Variants in ERBB4 observed in about 807,000 individuals in gnomAD.
ERBB4 encodes erb-b2 receptor tyrosine kinase 4.
In ERBB4, 42 loss-of-function variants were observed where a neutral mutation model predicts 158.0. That is an observed-to-expected ratio of 0.27 (90% CI 0.21 to 0.34). The LOEUF (loss-of-function observed/expected upper bound fraction) is 0.34. Among genes scored for constraint, ERBB4 ranks in the 10% least tolerant of loss-of-function variants. The pLI is 1.00. For missense variants in ERBB4, 1,333 were observed against 1,624.1 expected (o/e 0.82, Z 3.08); for synonymous variants, 583 against 558.7 (o/e 1.04, Z -0.61).
intron 13 of ERBB4, among the ~76,000 whole-genome samples, chr2:211,676,842 T>A (rs2072095976): frequency 6.6e-6 from 1 of 152,208 alleles, no homozygotes; most frequent in Non-Finnish European, 1.5e-5. Context: ...GTTTCATTTA[T>A]CAATTGCTGA....
At chr2:211,571,593 A>G (rs2067731242) in intron 19 of ERBB4, among the ~76,000 whole-genome samples, 2 of 152,174 alleles carry the variant, frequency 1.3e-5, no homozygotes, top group African/African-American at 4.8e-5. Flanking sequence ...ATATAACTAT[A>G]CAAAACCATG....
chr2:212,343,033 T>C (rs148422784), intron 1 of ERBB4, among the ~76,000 whole-genome samples: 57 of 152,282 alleles, frequency 3.7e-4, no homozygotes, highest in Non-Finnish European at 7.2e-4. Context: ...ACAATAAACC[T>C]CACTAAACCT....
At chr2:211,640,225 T>C (rs138902989) in intron 16 of ERBB4, among the ~76,000 whole-genome samples, 2 of 152,194 alleles carry the variant, frequency 1.3e-5, no homozygotes, top group Non-Finnish European at 2.9e-5. Context: ...GTATCACTAC[T>C]CTTTATTCAG....
chr2:211,736,651 T>C (rs1036662723), intron 5 of ERBB4, among the ~76,000 whole-genome samples: 4 of 152,254 alleles, frequency 2.6e-5, no homozygotes, highest in East Asian at 1.9e-4. Context: ...CTAGAGGATA[T>C]GGAAAATCAC....
chr2:212,412,527 T>A (rs1574870361), intron 1 of ERBB4, among the ~76,000 whole-genome samples: 1 of 152,202 alleles, frequency 6.6e-6, no homozygotes, highest in South Asian at 2.1e-4. Context: ...CTCCAGAAGC[T>A]GAGCAGATGC....
At chr2:211,900,707 C>T (rs2079212621) in intron 3 of ERBB4, among the ~76,000 whole-genome samples, 1 of 152,088 alleles carries the variant, frequency 6.6e-6, no homozygotes. Flanking sequence ...AGGACATGGA[C>T]TCAAGGCACT....
At chr2:211,422,709 T>C (rs1439956936) in intron 23 of ERBB4, among the ~76,000 whole-genome samples, 2 of 151,908 alleles carry the variant, frequency 1.3e-5, no homozygotes, top group Admixed American at 6.6e-5. Context: ...AAGCTTTCCT[T>C]GATTTTCTTG....
chr2:211,655,908 T>C (rs1175809911), intron 16 of ERBB4, among the ~76,000 whole-genome samples: 1 of 152,234 alleles, frequency 6.6e-6, no homozygotes, highest in Non-Finnish European at 1.5e-5. Context: ...GCTTTCTTTT[T>C]AGAATTTAAT....
chr2:212,288,874 G>T (rs1211636597), intron 1 of ERBB4, among the ~76,000 whole-genome samples: 1 of 151,820 alleles, frequency 6.6e-6, no homozygotes, highest in Non-Finnish European at 1.5e-5. Flanking sequence ...TTAATCTATT[G>T]TGCTATCAAA....
chr2:211,536,157 A>T (rs979655733), intron 20 of ERBB4, among the ~76,000 whole-genome samples: 22 of 152,086 alleles, frequency 1.4e-4, no homozygotes, highest in Non-Finnish European at 2.4e-4. Context: ...AAGAGATTAA[A>T]ATGACACCAA....
At chr2:211,874,577 T>C (rs888332786) in intron 3 of ERBB4, among the ~76,000 whole-genome samples, 1 of 152,166 alleles carries the variant, frequency 6.6e-6, no homozygotes, top group African/African-American at 2.4e-5. Context: ...ATCTCCACTC[T>C]CAACACTCTT....
At chr2:211,580,811 T>A (rs868261636) in intron 19 of ERBB4, among the ~76,000 whole-genome samples, 11 of 52,362 alleles carry the variant, frequency 2.1e-4, no homozygotes, top group South Asian at 2.1e-3. Flanking sequence ...TATATATATA[T>A]AATATATATA....
intron 1 of ERBB4, among the ~76,000 whole-genome samples, chr2:212,206,586 G>GTTTTTTTTTTTTTTT (rs1393759656): frequency 4.5e-5 from 3 of 66,766 alleles, no homozygotes; most frequent in African/African-American, 1.5e-4. Flanking sequence ...CGTCTGTTCT[G>GTTTTTTTTTTTTTTT]TTCTTTTTTT....
At chr2:212,188,242 CTCT>C (rs1221594590) in intron 1 of ERBB4, among the ~76,000 whole-genome samples, 10 of 38,918 alleles carry the variant, frequency 2.6e-4, no homozygotes, top group African/African-American at 5.6e-4. Flanking sequence ...CTCCCCCCCC[CTCT>C]CACCCCCTCC....
rs61318918 is a variant in ERBB4, at chr2:211,662,038, C to CAAAAAAA, written c.1871+3278_1871+3284dup. The stretch of plus-strand genomic sequence containing the variant: ...TGGGCGACAGAGCGGGACTCCGTCT[C>CAAAAAAA]AAAAAAAAAAAAAAAAAAAAAAAAA... On this transcript the variant is annotated intron_variant, in intron 15 of 27. Coordinates refer to ENST00000342788, the MANE Select transcript of ERBB4 (RefSeq NM_005235.3). Among the ~76,000 whole-genome samples the CAAAAAAA allele has an allele frequency of 6.8e-4, 27 of 39,704 alleles. 1 individual carries two copies. The highest frequency in any genetic ancestry group is 2.7e-3 in the Admixed American group (5 of 1,842). The allele number at this position is 39,704 out of a possible 152,430, so 26.0% of individuals were successfully genotyped here.
intron 1 of ERBB4, among the ~76,000 whole-genome samples, chr2:212,175,400 C>T (rs1009664801): frequency 6.6e-6 from 1 of 151,876 alleles, no homozygotes; most frequent in African/African-American, 2.4e-5. Context: ...CTCCCTCCTT[C>T]TGTGTGTGTT....
intron 13 of ERBB4, among the ~76,000 whole-genome samples, chr2:211,674,988 T>C (rs1323530689): frequency 6.6e-6 from 1 of 152,172 alleles, no homozygotes; most frequent in African/African-American, 2.4e-5. Flanking sequence ...ATTGCCCTTT[T>C]CTTCCATAGA....
intron 3 of ERBB4, among the ~76,000 whole-genome samples, chr2:211,939,007 A>T (rs1448731068): frequency 6.6e-6 from 1 of 152,206 alleles, no homozygotes; most frequent in Non-Finnish European, 1.5e-5. Flanking sequence ...ATAGATTTTT[A>T]AAAAATCAAA....
intron 2 of ERBB4, among the ~76,000 whole-genome samples, chr2:212,007,499 TTC>T (rs1241866811): frequency 6.6e-6 from 1 of 151,882 alleles, no homozygotes; most frequent in Non-Finnish European, 1.5e-5. Context: ...AATATTTTTA[TTC>T]TGTTTTTTAA....
Sources: allele counts gnomAD v4.1 joint callset (sites outside exome capture counted in the v4.1 genomes callset), GRCh38; gene constraint gnomAD v4.1.1; transcripts MANE v1.5; gene names NCBI Gene and HGNC (gene_info 2026-07-23, HGNC 2026-07-21).